Variants in AKR1C2 observed in about 807,000 individuals in gnomAD.
AKR1C2 encodes the protein 3-alpha-HSD3.
A neutral mutation model predicts 39.8 loss-of-function variants in AKR1C2; 27 were observed. The observed-to-expected ratio is 0.68, with a 90% CI of 0.50 to 0.93. The LOEUF (loss-of-function observed/expected upper bound fraction) is 0.93, where lower values mean the gene tolerates loss of function less well. Ranked by LOEUF, AKR1C2 falls within the 40% of genes least tolerant of loss-of-function variation. The probability of loss-of-function intolerance (pLI) is 0.00; values close to 1 mark genes in which losing one functional copy is unlikely to be tolerated. For synonymous variants in AKR1C2, 114 were observed against 137.9 expected (o/e 0.83, Z 1.22); for missense variants, 263 against 365.1 (o/e 0.72, Z 2.28).
In AKR1C2 at chr10:4,990,004, C is replaced by A. The variant is rs556942789; in HGVS notation, c.964G>T (p.Glu322Ter). Residue 322 changes from glutamate (E) to a stop codon, truncating the protein, a stop_gained, in exon 9 of 9, where the codon GAA becomes TAA. Coordinates refer to ENST00000380753, the MANE Select transcript of AKR1C2 (RefSeq NM_001393392.1). LOFTEE classifies it high-confidence loss of function. ...AGPPNYPFSDEY is the reference protein window; with the variant it reads ...AGPPNYPFSD ...ATGCAATGCCCTCCATGTTAATATT[C>A]ATCAGAAAATGGATAATTAGGGGGG... The A allele has an allele frequency of 1.2e-6, 2 of 1,607,880 alleles. No homozygotes were observed. Among genetic ancestry groups the A allele is most frequent in the East Asian group, 4.5e-5 (2 of 44,632 alleles).
At chr10:4,999,103 T>G (rs1837166349) in intron 4 of AKR1C2, 97 bp downstream of exon 4, 1 of 1,527,014 alleles carries the variant, frequency 6.5e-7, no homozygotes, top group African/African-American at 1.4e-5. Flanking sequence ...AAGTTTTTGA[T>G]CCAATGGTGC....
chr10:4,995,788 A>G lies in AKR1C2; in HGVS notation c.648T>C (p.Tyr216=), dbSNP rs571588082. The change falls in exon 6 of 9, where the codon TAT becomes TAC. Residue 216 remains tyrosine (Y), a synonymous_variant. Transcript: ENST00000380753. ...CTTCTCGATGGGATCCCAGAGCACT[A>G]TAGGCAACCAGAACAATGTCTTTTG... is the stretch of plus-strand genomic sequence containing the variant. ...CKSKDIVLVA[Y]SALGSHREEP... The G allele has an allele frequency of 1.1e-4, 174 of 1,612,438 alleles. 1 individual carries two copies. In the South Asian group the frequency reaches 1.4e-3, roughly 13 times the overall value.
At chr10:5,000,726 G>T in intron 2 of AKR1C2, 60 bp from the exon 3 acceptor site, 1 of 1,486,078 alleles carries the variant, frequency 6.7e-7, no homozygotes, top group Non-Finnish European at 9.2e-7. Flanking sequence ...TTACTAGTTT[G>T]CTCCACCTAA....
At position 4,998,691 on chromosome 10, in the gene AKR1C2, G is replaced by A. The variant is rs141584971; in HGVS notation, c.504C>T (p.Phe168=). 2.4e-5 allele frequency: 38 copies of A among 1,614,068 alleles called. No individual in the cohort carries two copies. Among genetic ancestry groups the A allele is most frequent in the Non-Finnish European group, 3.1e-5 (37 of 1,180,048 alleles). Reference sequence around the variant, plus strand: ...GGATCATCTCCAGCAGCCTGTGGTTGAAGTTGGACACCCCGATGGACTTGG... The same window carrying A: ...GGATCATCTCCAGCAGCCTGTGGTTAAAGTTGGACACCCCGATGGACTTGG... ...GLAKSIGVSN[F]NHRLLEMILN... is the part of the protein sequence containing the mutation. The change falls in exon 5 of 9, where the codon TTC becomes TTT. Residue 168 remains phenylalanine (F), a synonymous_variant. Coordinates refer to ENST00000380753, the MANE Select transcript of AKR1C2 (RefSeq NM_001393392.1).
chr10:5,016,322 A>T (rs1245735028), intron 1 of AKR1C2, among the ~76,000 whole-genome samples: 1 of 152,236 alleles, frequency 6.6e-6, no homozygotes, highest in Non-Finnish European at 1.5e-5. Flanking sequence ...AAAATAGGTT[A>T]GTTACTTTCT....
Position 4,999,404 on chromosome 10 carries a change from A to G in AKR1C2, c.370-127T>C. The G allele has an allele frequency of 1.9e-6, 3 of 1,600,202 alleles. No individual in the cohort carries two copies. In the Admixed American group the frequency reaches 5.1e-5, roughly 27 times the overall value. ...GTGATGCAGCGCTCCAGAGAGTGGTATGTACAAAGTGTACTACATATGAAG... is the reference window on the plus strand; with the variant it reads ...GTGATGCAGCGCTCCAGAGAGTGGTGTGTACAAAGTGTACTACATATGAAG... On this transcript the variant is annotated intron_variant, in intron 3 of 8. Transcript: ENST00000380753.
intron 1 of AKR1C2, among the ~76,000 whole-genome samples, chr10:5,010,970 T>C (rs1241674661): frequency 6.7e-6 from 1 of 150,058 alleles, no homozygotes; most frequent in Non-Finnish European, 1.5e-5. Flanking sequence ...GACTAAGATT[T>C]CAAAAACACA....
upstream of AKR1C2, chr10:5,004,010 C>G (rs1837348741): frequency 1.8e-6 from 1 of 550,806 alleles, no homozygotes; most frequent in African/African-American, 1.9e-5. Context: ...TCAACCGTTT[C>G]TTACCTAAGA....
chr10:5,001,768 CT>C (rs782699558), intron 1 of AKR1C2, 87 bp from the exon 2 acceptor site: 3 of 1,560,988 alleles, frequency 1.9e-6, no homozygotes, highest in Non-Finnish European at 2.6e-6. Context: ...CAAAAATCAG[CT>C]TTTCCTCCTT....
At chr10:5,005,235 G>A (rs527744575), upstream of AKR1C2, among the ~76,000 whole-genome samples, 2 of 151,382 alleles carry the variant, frequency 1.3e-5, no homozygotes, top group East Asian at 3.9e-4. Context: ...TACATGTTCA[G>A]AAACAAACTA....
chr10:4,999,442 T>C, intron 3 of AKR1C2, 165 bp from the exon 4 acceptor site: 1 of 1,483,304 alleles, frequency 6.7e-7, no homozygotes, highest in Non-Finnish European at 9.1e-7. Flanking sequence ...ATAAGGAATG[T>C]CTTCAGGTGA....
chr10:5,015,664 C>T (rs61856098), intron 1 of AKR1C2, among the ~76,000 whole-genome samples: 10 of 152,230 alleles, frequency 6.6e-5, no homozygotes, highest in Admixed American at 3.3e-4. Context: ...TTCCCATAGA[C>T]GGCCAAGAGC....
rs1300399140 is a variant in AKR1C2, at chr10:4,988,293, G to A, written c.*1703C>T. On this transcript the variant is annotated 3_prime_UTR_variant, in exon 9 of 9. Transcript: ENST00000380753. ...GACTCAGAAAGTTAAGGTAGAACAG[G>A]ATGGCCATGGTTTACATGAGATTTC... 1 of 152,168 alleles carries A rather than the reference G, an allele frequency of 6.6e-6. No homozygotes were observed. Among genetic ancestry groups the A allele is most frequent in the Non-Finnish European group, 1.5e-5 (1 of 68,034 alleles). 9.4% of individuals were successfully genotyped at this position (152,168 alleles called of 1,614,324 possible).
At chr10:5,015,152 C>T (rs1375901851) in intron 1 of AKR1C2, 3 of 152,220 alleles carry the variant, frequency 2.0e-5, no homozygotes, top group Non-Finnish European at 4.4e-5. Flanking sequence ...CAGTTGTGTA[C>T]TAGTTCCTTT....
Position 4,995,737 on chromosome 10 carries a change from T to C in AKR1C2, c.680+19A>G. ...TATCAAACCAGTGTTTTAGGTAAAC[T>C]TCCTGTATCTCTTATTACCATGGTT... On this transcript the variant is annotated intron_variant, in intron 6 of 8. Transcript: ENST00000380753. The C allele has an allele frequency of 6.2e-7, 1 of 1,603,538 alleles. No individual in the cohort carries two copies. The highest frequency in any genetic ancestry group is 8.5e-7 in the Non-Finnish European group (1 of 1,177,190).
intron 1 of AKR1C2, among the ~76,000 whole-genome samples, chr10:5,015,602 A>C (rs1282254235): frequency 6.6e-6 from 1 of 152,144 alleles, no homozygotes; most frequent in Non-Finnish European, 1.5e-5. Context: ...TCACTGAGGG[A>C]GCAATTCCAG....
At chr10:5,013,651 C>T (rs7082231) in intron 1 of AKR1C2, 20,190 of 137,800 alleles carry the variant, frequency 0.15, 1,388 homozygotes, top group African/African-American at 0.17. Context: ...TGTAGATCTT[C>T]GATGTATCCT....
chr10:5,003,733 C>G lies in AKR1C2; in HGVS notation c.84+19G>C. 6.2e-7 allele frequency: 1 copy of G among 1,608,228 alleles called. No individual in the cohort carries two copies. On this transcript the variant is annotated intron_variant, in intron 1 of 8. Transcript: ENST00000380753. ...CTCTAGCTCCTTTGAACTCTCAACA[C>G]TAAAAATATTATTGTTACCTCTGCA...
At chr10:4,994,304 T>C (rs1836954281) in intron 7 of AKR1C2, among the ~76,000 whole-genome samples, 1 of 152,148 alleles carries the variant, frequency 6.6e-6, no homozygotes, top group South Asian at 2.1e-4. Flanking sequence ...TAACTATTGA[T>C]ATATTATTTC....
Sources: allele counts gnomAD v4.1 joint callset (sites outside exome capture counted in the v4.1 genomes callset), GRCh38; gene constraint gnomAD v4.1.1; transcripts MANE v1.5; gene names NCBI Gene and HGNC (gene_info 2026-07-23, HGNC 2026-07-21).